Variants in RSF1 observed in about 807,000 individuals in gnomAD.
RSF1 encodes HBV pX-associated protein 8.
A neutral mutation model predicts 145.2 loss-of-function variants in RSF1; 13 were observed. That is an observed-to-expected ratio of 0.09 (90% CI 0.06 to 0.14). RSF1 has a LOEUF of 0.14. Ranked by LOEUF, RSF1 falls within the 10% of genes least tolerant of loss-of-function variation. RSF1 has a pLI of 1.00. For missense variants in RSF1, 1,517 were observed against 1,718.2 expected (o/e 0.88, Z 2.07); for synonymous variants, 577 against 592.6 (o/e 0.97, Z 0.38).
chr11:77,680,548 G>A (rs1223890443), intron 11 of RSF1, among the ~76,000 whole-genome samples: 2 of 152,258 alleles, frequency 1.3e-5, no homozygotes, highest in Non-Finnish European at 2.9e-5. Flanking sequence ...CCAGGAGTTG[G>A]GAGTCCAGTC....
chr11:77,735,504 T>C (rs1961326143), intron 4 of RSF1, among the ~76,000 whole-genome samples: 1 of 152,198 alleles, frequency 6.6e-6, no homozygotes, highest in African/African-American at 2.4e-5. Flanking sequence ...ACTTTTGTTA[T>C]ATAATCCTCT....
In RSF1 at chr11:77,775,259, A is replaced by C. The variant is rs926559066; in HGVS notation, c.188-10570T>G. On this transcript the variant is annotated intron_variant, in intron 1 of 15. Transcript: ENST00000308488. ...GCGAGACTCCATCTCAAAAAAAAAA[A>C]AAACCCAAAACACAAACTGAAGAGA... 3.3e-5 allele frequency among the ~76,000 whole-genome samples: 5 copies of C among 152,000 alleles called. No individual in the cohort carries two copies. The East Asian group carries it at 5.8e-4, about 18-fold the overall frequency.
At chr11:77,671,200 T>C (rs1409259271) in intron 15 of RSF1, among the ~76,000 whole-genome samples, 2 of 116,338 alleles carry the variant, frequency 1.7e-5, no homozygotes, top group African/African-American at 7.2e-5. Context: ...TATGTGTGTA[T>C]ATATATATAC....
At chr11:77,684,360 G>A (rs1381807681) in intron 10 of RSF1, among the ~76,000 whole-genome samples, 3 of 152,020 alleles carry the variant, frequency 2.0e-5, no homozygotes, top group African/African-American at 2.4e-5. Flanking sequence ...ACTAATAAAT[G>A]CAAAACAAAG....
At chr11:77,705,750 G>T (rs1360519638) in intron 5 of RSF1, among the ~76,000 whole-genome samples, 1 of 151,948 alleles carries the variant, frequency 6.6e-6, no homozygotes, top group East Asian at 1.9e-4. Flanking sequence ...AGGAGCTGTG[G>T]TCCCAGCTAC....
intron 15 of RSF1, among the ~76,000 whole-genome samples, chr11:77,671,167 ATATATATATATT>A (rs1959534129): frequency 6.0e-5 from 6 of 99,560 alleles, no homozygotes; most frequent in Non-Finnish European, 9.4e-5. Flanking sequence ...ATATATATAT[ATATATATATATT>A]TATATGTATA....
the RSF1 span, among the ~76,000 whole-genome samples, chr11:77,826,538 C>T: frequency 6.6e-6 from 1 of 152,182 alleles, no homozygotes; most frequent in Non-Finnish European, 1.5e-5. Context: ...GCTGTACTGA[C>T]TGTTAAACTG....
chr11:77,828,069 T>A, the RSF1 span, among the ~76,000 whole-genome samples: 2 of 151,888 alleles, frequency 1.3e-5, no homozygotes, highest in Non-Finnish European at 2.9e-5. Context: ...GGCCAGGAGT[T>A]CAATACCAGC....
intron 15 of RSF1, 88 bp from the exon 16 acceptor site, chr11:77,667,579 C>A (rs1959402045): frequency 8.3e-7 from 1 of 1,202,562 alleles, no homozygotes; most frequent in East Asian, 2.4e-5. Flanking sequence ...CACCCCACGT[C>A]CTGCTTTCAG....
intron 1 of RSF1, among the ~76,000 whole-genome samples, chr11:77,798,581 T>TA (rs543236647): frequency 1.2e-4 from 3 of 24,496 alleles, no homozygotes; most frequent in Non-Finnish European, 1.5e-4. Flanking sequence ...GACTCCATCT[T>TA]AAAAAAAAAA....
chr11:77,848,524 A>AT, the RSF1 span, among the ~76,000 whole-genome samples: 3 of 151,788 alleles, frequency 2.0e-5, no homozygotes, highest in South Asian at 2.1e-4. Context: ...CACTTGGCTA[A>AT]TTTTTTTGTA....
At chr11:77,745,970 A>G (rs1366015880) in intron 3 of RSF1, among the ~76,000 whole-genome samples, 1 of 152,102 alleles carries the variant, frequency 6.6e-6, no homozygotes, top group African/African-American at 2.4e-5. Context: ...TACATAATAA[A>G]TACATAGTAT....
chr11:77,780,299 T>C (rs149383931), intron 1 of RSF1, among the ~76,000 whole-genome samples: 152 of 152,318 alleles, frequency 1.0e-3, no homozygotes, highest in African/African-American at 3.6e-3. Flanking sequence ...TTCTTGCTCA[T>C]ACTTAAAGAA....
rs370769785 is a variant in RSF1 at position 77,667,017 on chromosome 11, G to T, written c.4226C>A (p.Thr1409Lys). 2.5e-6 allele frequency: 4 copies of T among 1,613,280 alleles called. No homozygotes were observed. The highest frequency in any genetic ancestry group is 3.3e-5 in the Admixed American group (2 of 59,980). Residue 1409 changes from threonine (T) to lysine (K), a missense_variant, in exon 16 of 16, where the codon ACA becomes AAA. Transcript: ENST00000308488. The part of the protein sequence containing the change: ...TASASLASNG[T>K]SGGQEAGAPE... ...TGCTCCTGCCTCCTGCCCACCACTT[G>T]TCCCATTGGAGGCTAGGCTTGCACT...
At chr11:77,790,835 G>A (rs1948509712) in intron 1 of RSF1, among the ~76,000 whole-genome samples, 1 of 152,200 alleles carries the variant, frequency 6.6e-6, no homozygotes, top group African/African-American at 2.4e-5. Flanking sequence ...GGGTTCCCAT[G>A]GTCTTGGGCA....
chr11:77,711,246 A>T (rs1203221287), intron 5 of RSF1, among the ~76,000 whole-genome samples: 1 of 152,140 alleles, frequency 6.6e-6, no homozygotes, highest in Non-Finnish European at 1.5e-5. Flanking sequence ...CACACTGAAA[A>T]TCTTGGTTTT....
intron 1 of RSF1, among the ~76,000 whole-genome samples, chr11:77,788,015 G>A (rs970879925): frequency 4.6e-5 from 7 of 150,568 alleles, no homozygotes; most frequent in African/African-American, 1.5e-4. Context: ...GGAGGTGTAC[G>A]CCTGTAATAG....
At chr11:77,703,060 A>G (rs1960463055) in intron 5 of RSF1, 1 of 152,164 alleles carries the variant, frequency 6.6e-6, no homozygotes, top group African/African-American at 2.4e-5. Context: ...TGTTGCCTCA[A>G]TTTATTCATT....
intron 1 of RSF1, among the ~76,000 whole-genome samples, chr11:77,812,943 A>G (rs1565188644): frequency 6.6e-6 from 1 of 151,648 alleles, no homozygotes. Flanking sequence ...TGCCCTCACA[A>G]CTCATGTTCT....
Sources: gnomAD v4.1 joint callset for allele counts (sites outside exome capture counted in the v4.1 genomes callset) on GRCh38, gnomAD v4.1.1 for gene constraint, MANE v1.5 for transcripts, NCBI Gene and HGNC (gene_info 2026-07-23, HGNC 2026-07-21) for gene names.